The following FAM81A variants were observed in gnomAD, a reference collection of about 807,000 sequenced individuals.
FAM81A encodes the protein family with sequence similarity 81 member A, also known as protein FAM81A.
A neutral mutation model predicts 46.7 loss-of-function variants in FAM81A; 19 were observed. The ratio of observed to expected loss-of-function variants is 0.41; its 90% CI spans 0.28 to 0.60. The LOEUF (loss-of-function observed/expected upper bound fraction) is 0.60, where lower values mean the gene tolerates loss of function less well. Ranked by LOEUF, FAM81A falls within the 20% of genes least tolerant of loss-of-function variation. FAM81A has a pLI of 0.34. For missense variants in FAM81A, 377 were observed against 453.5 expected, an observed-to-expected ratio of 0.83 and a Z score of 1.53; for synonymous variants, 183 against 152.9, an observed-to-expected ratio of 1.20 and a Z score of -1.45.
At chr15:59,472,445 C>T (rs1378540843) in intron 3 of FAM81A, among the ~76,000 whole-genome samples, 7 of 152,286 alleles carry the variant, frequency 4.6e-5, no homozygotes, top group African/African-American at 7.2e-5. Context: ...ACTTTGCCTG[C>T]GGGATACTGG....
intron 1 of FAM81A, among the ~76,000 whole-genome samples, chr15:59,443,097 T>G (rs1455938725): frequency 6.6e-6 from 1 of 152,196 alleles, no homozygotes; most frequent in Non-Finnish European, 1.5e-5. Context: ...TTTATTTTGT[T>G]TTTGAAATGG....
rs2081530687 is a variant in FAM81A at position 59,459,922 on chromosome 15, C to T, written c.21-11C>T. The T allele has an allele frequency of 6.3e-7, 1 of 1,581,838 alleles. No individual in the cohort carries two copies. Among genetic ancestry groups the T allele is most frequent in the Non-Finnish European group, 8.6e-7 (1 of 1,161,850 alleles). ...TTCCCAATTAACAACCCTCATGGTT[C>T]CCTTCTGCAGGCGAGTGAGAACCAT... On this transcript the variant is annotated splice_polypyrimidine_tract_variant and intron_variant, in intron 2 of 8. Coordinates refer to ENST00000288228, the MANE Select transcript of FAM81A (RefSeq NM_152450.3).
intron 3 of FAM81A, among the ~76,000 whole-genome samples, chr15:59,476,105 C>G (rs2081763688): frequency 6.6e-6 from 1 of 152,182 alleles, no homozygotes; most frequent in Non-Finnish European, 1.5e-5. Flanking sequence ...AGAGCAGAAG[C>G]AAGACCTTCT....
intron 4 of FAM81A, among the ~76,000 whole-genome samples, chr15:59,500,541 A>C (rs1401157636): frequency 6.6e-6 from 1 of 151,996 alleles, no homozygotes; most frequent in East Asian, 1.9e-4. Context: ...GCCTCAAGCA[A>C]TTCTCCTGCC....
rs775663445 is a variant in FAM81A, at chr15:59,521,298, C to G, written c.1027C>G (p.Leu343Val). The part of the protein sequence containing the change: ...YESIGSLRQV[L>V]EAKMKLDRDQ... ...AAGCATAGGATCCCTCAGGCAAGTT[C>G]TCGAGGCCAAGATGAAGCTGGACAG... The change falls in exon 9 of 9, where the codon CTC becomes GTC. Residue 343 changes from leucine to valine, a missense_variant. Physicochemically the swap from Leu to Val is conservative, Grantham distance 32. Coordinates refer to ENST00000288228, the MANE Select transcript of FAM81A (RefSeq NM_152450.3). 1.2e-6 allele frequency: 2 copies of G among 1,613,828 alleles called. No individual in the cohort carries two copies. The highest frequency in any genetic ancestry group is 1.7e-6 in the Non-Finnish European group (2 of 1,179,814).
At chr15:59,509,252 T>G (rs2082179951) in intron 6 of FAM81A, among the ~76,000 whole-genome samples, 1 of 152,214 alleles carries the variant, frequency 6.6e-6, no homozygotes. Flanking sequence ...GACTCTGTTC[T>G]TATCCTTGTG....
chr15:59,457,899 C>G (rs925870225), intron 1 of FAM81A, among the ~76,000 whole-genome samples: 1 of 152,166 alleles, frequency 6.6e-6, no homozygotes, highest in Non-Finnish European at 1.5e-5. Flanking sequence ...TAAACATCCT[C>G]TAGTGTTTTT....
rs371971984 is a variant in FAM81A, at chr15:59,523,351, G to C, written c.*1973G>C. 4 of 152,218 alleles carry C rather than the reference G, an allele frequency of 2.6e-5. No individual in the cohort carries two copies. In the South Asian group the frequency reaches 8.3e-4, roughly 32 times the overall value. 9.4% of individuals were successfully genotyped at this position (152,218 alleles called of 1,614,324 possible). On this transcript the variant is annotated 3_prime_UTR_variant, in exon 9 of 9. Coordinates refer to ENST00000288228, the MANE Select transcript of FAM81A (RefSeq NM_152450.3). ...GATGCCCCGCTGTGCCTCCCAGACC[G>C]ATTAAGTCAGAACCTCTGGGAGGTG...
At chr15:59,439,361 G>A (rs1279868003) in intron 1 of FAM81A, among the ~76,000 whole-genome samples, 1 of 151,596 alleles carries the variant, frequency 6.6e-6, no homozygotes, top group African/African-American at 2.4e-5. Flanking sequence ...TCTGCCTTCT[G>A]GGCCCTGTCA....
chr15:59,493,245 C>T (rs2082000081), intron 4 of FAM81A, among the ~76,000 whole-genome samples: 1 of 152,148 alleles, frequency 6.6e-6, no homozygotes, highest in East Asian at 1.9e-4. Flanking sequence ...ATTAGGGTGT[C>T]TTTGTGCAGA....
upstream of FAM81A, chr15:59,438,172 C>T (rs1291140895): frequency 6.8e-6 from 1 of 146,262 alleles, no homozygotes; most frequent in Non-Finnish European, 1.5e-5. Context: ...CGGCGCTCCC[C>T]GCGGCGCGGG....
chr15:59,511,812 A>C (rs1232851237), intron 6 of FAM81A, among the ~76,000 whole-genome samples: 8 of 151,930 alleles, frequency 5.3e-5, no homozygotes, highest in African/African-American at 1.9e-4. Context: ...CACCATGCCC[A>C]GCTAATTTTT....
intron 2 of FAM81A, among the ~76,000 whole-genome samples, chr15:59,410,262 C>CTCCA (rs2081114603): frequency 6.6e-6 from 1 of 152,062 alleles, no homozygotes; most frequent in African/African-American, 2.4e-5. Context: ...CACCATTGCA[C>CTCCA]TCCAGCCTGG....
intron 1 of FAM81A, chr15:59,401,728 C>T: frequency 6.5e-6 from 5 of 774,490 alleles, no homozygotes; most frequent in Non-Finnish European, 1.2e-5. Context: ...CCTCTCTGTC[C>T]AGCAGATAGG....
chr15:59,501,374 A>G (rs2082088888), intron 4 of FAM81A, among the ~76,000 whole-genome samples: 1 of 152,208 alleles, frequency 6.6e-6, no homozygotes, highest in Non-Finnish European at 1.5e-5. Flanking sequence ...GCATATTGCT[A>G]TACTATTTTT....
chr15:59,487,644 A>T (rs2081934140), intron 3 of FAM81A, among the ~76,000 whole-genome samples: 1 of 152,120 alleles, frequency 6.6e-6, no homozygotes, highest in Admixed American at 6.5e-5. Flanking sequence ...CCAAAAAACT[A>T]GAAAACCTAG....
chr15:59,465,124 G>T (rs886238369), intron 3 of FAM81A, among the ~76,000 whole-genome samples: 1 of 152,164 alleles, frequency 6.6e-6, no homozygotes, highest in Non-Finnish European at 1.5e-5. Context: ...GATGGCTGTA[G>T]ATACGTGGAT....
intron 4 of FAM81A, among the ~76,000 whole-genome samples, chr15:59,493,978 A>G (rs2082008331): frequency 6.6e-6 from 1 of 152,118 alleles, no homozygotes; most frequent in South Asian, 2.1e-4. Context: ...CCCACTCCAT[A>G]GAGCTCTCCT....
chr15:59,470,195 T>C (rs1254219821), intron 3 of FAM81A, among the ~76,000 whole-genome samples: 5 of 152,206 alleles, frequency 3.3e-5, no homozygotes, highest in African/African-American at 4.8e-5. Context: ...TTGGGGTTGC[T>C]CTTCTCTAGG....
Sources: allele counts gnomAD v4.1 joint callset (sites outside exome capture counted in the v4.1 genomes callset), GRCh38; gene constraint gnomAD v4.1.1; transcripts MANE v1.5; gene names NCBI Gene and HGNC (gene_info 2026-07-23, HGNC 2026-07-21).